FBXO34: variants seen among roughly 807,000 people sequenced by gnomAD.
FBXO34 encodes the protein F-box only protein 34.
Under a neutral mutation model 24.5 loss-of-function variants are expected in FBXO34, and 12 were observed. The observed-to-expected ratio is 0.49, with a 90% CI of 0.31 to 0.79. FBXO34 has a LOEUF of 0.79. FBXO34 is among the 30% of genes least tolerant of loss of function. FBXO34 has a pLI of 0.04. For synonymous variants in FBXO34, 320 were observed against 311.9 expected (o/e 1.03, Z -0.27); for missense variants, 823 against 857.7 (o/e 0.96, Z 0.51).
the FBXO34 span, among the ~76,000 whole-genome samples, chr14:55,397,943 C>CTTTTT: frequency 3.7e-4 from 39 of 105,524 alleles, no homozygotes; most frequent in Non-Finnish European, 6.1e-4. Context: ...TGCAGTAATT[C>CTTTTT]TTTTTTTTTT....
chr14:55,370,562 A>T (rs1055886738), downstream of FBXO34, among the ~76,000 whole-genome samples: 1 of 151,888 alleles, frequency 6.6e-6, no homozygotes, highest in African/African-American at 2.4e-5. Context: ...AAGTCCAATA[A>T]CCCTTTCTTA....
chr14:55,294,565 G>A (rs966255019), intron 1 of FBXO34, among the ~76,000 whole-genome samples: 31 of 152,280 alleles, frequency 2.0e-4, no homozygotes, highest in Admixed American at 1.1e-3. Context: ...TTTGCTATAT[G>A]TGTGAAGAGA....
chr14:55,366,333 T>C (rs545488950), downstream of FBXO34: 1 of 152,776 alleles, frequency 6.5e-6, no homozygotes, highest in Non-Finnish European at 1.5e-5. Flanking sequence ...TCATTCTTGC[T>C]ACCCTCGATG....
At chr14:55,365,488 C>G (rs1267582559), downstream of FBXO34, among the ~76,000 whole-genome samples, 1 of 152,074 alleles carries the variant, frequency 6.6e-6, no homozygotes, top group Non-Finnish European at 1.5e-5. Flanking sequence ...AGATGGCTTG[C>G]CCAAGAGTCC....
chr14:55,440,483 G>T, the FBXO34 span: 1 of 1,612,314 alleles, frequency 6.2e-7, no homozygotes, highest in East Asian at 2.2e-5. Context: ...GTGGGGGCGG[G>T]TAAGAGGGTA....
chr14:55,303,173 C>A (rs567484347), intron 1 of FBXO34, among the ~76,000 whole-genome samples: 1 of 151,784 alleles, frequency 6.6e-6, no homozygotes, highest in Admixed American at 6.6e-5. Flanking sequence ...TTGAGTGCCT[C>A]CCTGTGTGTT....
the FBXO34 span, among the ~76,000 whole-genome samples, chr14:55,423,828 C>A: frequency 6.6e-6 from 1 of 152,112 alleles, no homozygotes. Context: ...AGTTTGTTAA[C>A]CCCTGTGTTA....
At chr14:55,292,277 CTA>C (rs1413172433) in intron 1 of FBXO34, among the ~76,000 whole-genome samples, 2 of 152,094 alleles carry the variant, frequency 1.3e-5, no homozygotes, top group East Asian at 1.9e-4. Context: ...ATATTTTTAA[CTA>C]TGAGCTTTTG....
chr14:55,352,257 C>G lies in FBXO34; in HGVS notation c.1867C>G (p.Arg623Gly). The change falls in exon 2 of 2, where the codon CGA becomes GGA. Residue 623 changes from arginine (R) to glycine (G), a missense_variant. Arg to Gly is a moderately radical substitution (Grantham distance 125, BLOSUM62 -2). Around this residue, in one of 2 missense-constraint regions of FBXO34, gnomAD observed 130 missense variants for 198.6 expected, o/e 0.65. Coordinates refer to ENST00000313833, the MANE Select transcript of FBXO34 (RefSeq NM_017943.4). ...NIRPADSRWV[R>G]DPRYREDPCK... ...CAGGCCAGCAGATTCTCGCTGGGTTCGAGATCCACGCTATAGAGAGGATCC... is the reference window on the plus strand; with the variant it reads ...CAGGCCAGCAGATTCTCGCTGGGTTGGAGATCCACGCTATAGAGAGGATCC... The G allele has an allele frequency of 2.5e-6, 4 of 1,614,128 alleles. No homozygotes were observed. The highest frequency in any genetic ancestry group is 3.4e-6 in the Non-Finnish European group (4 of 1,180,018).
chr14:55,423,555 C>T, the FBXO34 span, among the ~76,000 whole-genome samples: 1 of 152,242 alleles, frequency 6.6e-6, no homozygotes, highest in African/African-American at 2.4e-5. Context: ...GGTAGGTCTG[C>T]TGGCTAAAGC....
At chr14:55,379,959 G>T in the FBXO34 span, among the ~76,000 whole-genome samples, 1 of 152,116 alleles carries the variant, frequency 6.6e-6, no homozygotes, top group Non-Finnish European at 1.5e-5. Flanking sequence ...CAAACAAAAA[G>T]AATTCAGGGC....
the FBXO34 span, among the ~76,000 whole-genome samples, chr14:55,405,690 C>G: frequency 6.6e-6 from 1 of 152,226 alleles, no homozygotes; most frequent in Non-Finnish European, 1.5e-5. Context: ...TGGTGTCAGA[C>G]AAATACATAA....
chr14:55,423,777 C>T, the FBXO34 span, among the ~76,000 whole-genome samples: 1 of 152,300 alleles, frequency 6.6e-6, no homozygotes, highest in East Asian at 1.9e-4. Context: ...CTGTGGCTCA[C>T]AAAGCTTAAA....
chr14:55,432,530 AAAC>A, the FBXO34 span, among the ~76,000 whole-genome samples: 35,631 of 151,934 alleles, frequency 0.23, 7,183 homozygotes, highest in African/African-American at 0.56. Context: ...AACAAAACAA[AAAC>A]AAAAGATAAA....
At chr14:55,431,384 TAACA>T in the FBXO34 span, among the ~76,000 whole-genome samples, 8 of 152,360 alleles carry the variant, frequency 5.3e-5, no homozygotes, top group African/African-American at 1.7e-4. Context: ...GAAAGTTGGA[TAACA>T]AACACCATTT....
At chr14:55,428,119 C>CTTTTTTTTTTTTTTTTTTTTTTTT in the FBXO34 span, among the ~76,000 whole-genome samples, 2 of 43,332 alleles carry the variant, frequency 4.6e-5, 1 homozygote. Flanking sequence ...CATGCCTTAT[C>CTTTTTTTTTTTTTTTTTTTTTTTT]TTTTTTTTTT....
the FBXO34 span, among the ~76,000 whole-genome samples, chr14:55,395,515 G>C: frequency 6.6e-6 from 1 of 152,164 alleles, no homozygotes; most frequent in Admixed American, 6.5e-5. Context: ...CTTGCACCTG[G>C]CCGGAAGTTT....
the FBXO34 span, among the ~76,000 whole-genome samples, chr14:55,421,073 A>AAG: frequency 2.2e-3 from 333 of 151,730 alleles, 1 homozygote; most frequent in Non-Finnish European, 3.8e-3. Flanking sequence ...AAAAAAAAAA[A>AAG]AAAAAGAAAA....
the FBXO34 span, among the ~76,000 whole-genome samples, chr14:55,403,039 G>A: frequency 7.2e-6 from 1 of 139,506 alleles, no homozygotes; most frequent in Non-Finnish European, 1.5e-5. Flanking sequence ...AGGATCATTT[G>A]AGCCCATGAA....
Sources: gnomAD v4.1 joint callset for allele counts (sites outside exome capture counted in the v4.1 genomes callset) on GRCh38, gnomAD v4.1.1 for gene constraint, gnomAD v4.1.1 regional missense constraint, MANE v1.5 for transcripts, NCBI Gene and HGNC (gene_info 2026-07-23, HGNC 2026-07-21) for gene names.